Variants in CAND1 observed in about 807,000 individuals in gnomAD.
The protein encoded by CAND1 is cullin-associated NEDD8-dissociated protein 1.
In CAND1, 7 loss-of-function variants were observed where a neutral mutation model predicts 108.5. The observed-to-expected ratio is 0.06, with a 90% CI of 0.04 to 0.12. CAND1 has a LOEUF of 0.12. Ranked by LOEUF, CAND1 falls within the 10% of genes least tolerant of loss-of-function variation. The pLI, the probability that CAND1 is intolerant of heterozygous loss-of-function variation, is 1.00. For synonymous variants in CAND1, 534 were observed against 512.0 expected, an observed-to-expected ratio of 1.04 and a Z score of -0.58; for missense variants, 941 against 1,448.7, an observed-to-expected ratio of 0.65 and a Z score of 5.69.
At chr12:67,287,206 C>T (rs966555331) in intron 2 of CAND1, among the ~76,000 whole-genome samples, 1 of 152,156 alleles carries the variant, frequency 6.6e-6, no homozygotes, top group South Asian at 2.1e-4. Flanking sequence ...TCAGAAATGT[C>T]TCTTGGAGAG....
At chr12:67,296,823 T>C (rs955928253) in intron 4 of CAND1, among the ~76,000 whole-genome samples, 2 of 150,364 alleles carry the variant, frequency 1.3e-5, no homozygotes, top group African/African-American at 4.9e-5. Context: ...GTTTTGGTTT[T>C]GAGACAGGTT....
At chr12:67,304,008 T>A (rs1382991801) in intron 8 of CAND1, among the ~76,000 whole-genome samples, 3 of 148,706 alleles carry the variant, frequency 2.0e-5, no homozygotes, top group Non-Finnish European at 4.5e-5. Flanking sequence ...TTTTTTTTTT[T>A]GAGATGGAGT....
chr12:67,295,852 A>G (rs1265999361), intron 4 of CAND1, among the ~76,000 whole-genome samples: 1 of 152,216 alleles, frequency 6.6e-6, no homozygotes, highest in Non-Finnish European at 1.5e-5. Flanking sequence ...ACGATAGGAC[A>G]TAAGAACACC....
intron 1 of CAND1, among the ~76,000 whole-genome samples, chr12:67,275,727 G>A (rs866890177): frequency 1.3e-5 from 2 of 152,272 alleles, no homozygotes; most frequent in Middle Eastern, 6.8e-3. Context: ...AGGCTGTGGT[G>A]AGAGTTATTG....
At chr12:67,296,436 T>G (rs571709280) in intron 4 of CAND1, among the ~76,000 whole-genome samples, 1 of 151,000 alleles carries the variant, frequency 6.6e-6, no homozygotes, top group Admixed American at 6.6e-5. Flanking sequence ...TTAGATTTCT[T>G]TTTTTTTTTC....
chr12:67,299,471 T>G (rs894463061), intron 7 of CAND1, among the ~76,000 whole-genome samples: 2 of 152,152 alleles, frequency 1.3e-5, no homozygotes, highest in Non-Finnish European at 2.9e-5. Flanking sequence ...TTTTTGGTTT[T>G]AAGTACTATT....
In CAND1 at chr12:67,316,785, A is replaced by G. The variant is rs1247731988; in HGVS notation, c.*3955A>G. The G allele has an allele frequency of 6.6e-6, 1 of 152,194 alleles. No individual in the cohort carries two copies. Among genetic ancestry groups the G allele is most frequent in the Admixed American group, 6.5e-5 (1 of 15,278 alleles). 9.4% of individuals were successfully genotyped at this position (152,194 alleles called of 1,614,324 possible). A position where few individuals can be genotyped will look rare whatever the true frequency, so the allele number is the denominator to read the frequency against. Reference sequence around the variant, plus strand: ...TAGGAAGTATTGGAATTAATTTGCTATTGCCAGTAAGTAATGGTTGATGGA... The same window carrying G: ...TAGGAAGTATTGGAATTAATTTGCTGTTGCCAGTAAGTAATGGTTGATGGA... On this transcript the variant is annotated 3_prime_UTR_variant, in exon 15 of 15. Coordinates refer to ENST00000545606, the MANE Select transcript of CAND1 (RefSeq NM_018448.5).
intron 3 of CAND1, among the ~76,000 whole-genome samples, chr12:67,293,702 G>T (rs1054772209): frequency 5.3e-5 from 8 of 152,066 alleles, no homozygotes; most frequent in Non-Finnish European, 8.8e-5. Context: ...GTGGTGAGCC[G>T]AGATGGTGCC....
At chr12:67,286,039 G>T (rs930728890) in intron 2 of CAND1, among the ~76,000 whole-genome samples, 2 of 151,740 alleles carry the variant, frequency 1.3e-5, no homozygotes, top group Non-Finnish European at 2.9e-5. Flanking sequence ...ACAGATTCTC[G>T]CTCAGTCGCC....
At chr12:67,296,505 G>A (rs557398761) in intron 4 of CAND1, among the ~76,000 whole-genome samples, 1 of 151,958 alleles carries the variant, frequency 6.6e-6, no homozygotes, top group East Asian at 1.9e-4. Flanking sequence ...TGTGATCTCA[G>A]CTTACTGCAG....
In CAND1 at chr12:67,305,802, G is replaced by A; in HGVS notation, c.2134G>A (p.Ala712Thr). ...SESDMHVSQM[A>T]ISFLTTLAKV... ...AAGTGATATGCATGTTTCACAAATG[G>A]CCATCAGTTTTCTTACCACTTTGGC... The change falls in exon 10 of 15, where the codon GCC (alanine) becomes ACC (threonine). Residue 712 changes from alanine to threonine, a missense_variant. Transcript: ENST00000545606. The surrounding 1 kb of genome is among the most constrained non-coding windows in gnomAD (Gnocchi z 4.4). 6.2e-7 allele frequency: 1 copy of A among 1,614,074 alleles called. No homozygotes were observed. Among genetic ancestry groups the A allele is most frequent in the Non-Finnish European group, 8.5e-7 (1 of 1,179,974 alleles).
intron 3 of CAND1, chr12:67,292,993 G>A (rs2044736241): frequency 4.3e-6 from 2 of 466,634 alleles, no homozygotes; most frequent in South Asian, 2.4e-5. Context: ...TATGTAATAT[G>A]AATTTCAGTG....
rs1390655996 is a variant in CAND1 at position 67,306,326 on chromosome 12, C to T, written c.2658C>T (p.Gly886=). 2.1e-5 allele frequency: 34 copies of T among 1,614,014 alleles called. No individual in the cohort carries two copies. Among genetic ancestry groups the T allele is most frequent in the Non-Finnish European group, 2.8e-5 (33 of 1,179,996 alleles). ...ASYALGSISV[G]NLPEYLPFVL... ...ATGCATTAGGCAGCATTAGTGTGGG[C>T]AACCTTCCTGAATATCTGCCGTTTG... Residue 886 remains glycine, a synonymous_variant, in exon 10 of 15, where the codon GGC becomes GGT. Transcript: ENST00000545606.
In CAND1 at chr12:67,307,450, G is replaced by C; in HGVS notation, c.2983G>C (p.Asp995His). ...TACGGCTGTGAAATTTACAATTTCT[G>C]ACCATCCACAACCTATTGATCCACT... ...VVTAVKFTIS[D>H]HPQPIDPLLK... Residue 995 changes from aspartate (D) to histidine (H), a missense_variant, in exon 11 of 15, where the codon GAC becomes CAC. Physicochemically the swap from Asp to His is moderately conservative, Grantham distance 81 (BLOSUM62 -1). Around this residue, in one of 9 missense-constraint regions of CAND1, gnomAD observed 106 missense variants for 182.0 expected, o/e 0.58. Transcript: ENST00000545606. 1 of 1,610,830 alleles carries C rather than the reference G, an allele frequency of 6.2e-7. No individual in the cohort carries two copies. The highest frequency in any genetic ancestry group is 8.5e-7 in the Non-Finnish European group (1 of 1,178,310).
intron 7 of CAND1, among the ~76,000 whole-genome samples, chr12:67,300,259 C>G (rs1184391820): frequency 3.2e-5 from 4 of 126,106 alleles, no homozygotes; most frequent in Non-Finnish European, 5.0e-5. Context: ...TTAGAGTATC[C>G]CAAGGCTCAG....
At chr12:67,275,787 A>T (rs1023898922) in intron 1 of CAND1, among the ~76,000 whole-genome samples, 3 of 152,106 alleles carry the variant, frequency 2.0e-5, no homozygotes, top group African/African-American at 7.2e-5. Flanking sequence ...TAAGTTCCAG[A>T]CTGTGTTACT....
intron 11 of CAND1, among the ~76,000 whole-genome samples, chr12:67,309,338 A>G (rs940839737): frequency 1.3e-5 from 2 of 151,878 alleles, no homozygotes; most frequent in African/African-American, 4.8e-5. Flanking sequence ...TTCTCCTTTT[A>G]TATTATTTTC....
rs2136026343 is a variant in CAND1 at position 67,314,604 on chromosome 12, C to T, written c.*1774C>T. 2.0e-5 allele frequency: 3 copies of T among 152,320 alleles called. 1 individual carries two copies. The Middle Eastern group carries it at 0.01, about 518-fold the overall frequency. 9.4% of individuals were successfully genotyped at this position (152,320 alleles called of 1,614,324 possible). A position where few individuals can be genotyped will look rare whatever the true frequency, so the allele number is the denominator to read the frequency against. On this transcript the variant is annotated 3_prime_UTR_variant, in exon 15 of 15. Transcript: ENST00000545606. ...GGTTTTACAATAAATTACAATACTG[C>T]AGGCTCTAGGACTGAACAGGAGACT... is the stretch of plus-strand genomic sequence containing the variant.
chr12:67,312,868 A>G lies in CAND1; in HGVS notation c.*38A>G. On this transcript the variant is annotated 3_prime_UTR_variant, in exon 15 of 15. Transcript: ENST00000545606. ...CATGGGGACCATTACATATGACCAT[A>G]CAATGCACTGAATTGACAGGTTAAT... 7.9e-7 allele frequency: 1 copy of G among 1,260,148 alleles called. No individual in the cohort carries two copies. The highest frequency in any genetic ancestry group is 2.4e-5 in the East Asian group (1 of 42,520). The allele number at this position is 1,260,148 out of a possible 1,614,324, so 78.1% of individuals were successfully genotyped here. A position where few individuals can be genotyped will look rare whatever the true frequency, so the allele number is the denominator to read the frequency against.
Sources: gnomAD v4.1 joint callset for allele counts (sites outside exome capture counted in the v4.1 genomes callset) on GRCh38, gnomAD v4.1.1 for gene constraint, gnomAD v4.1.1 regional missense constraint, Gnocchi (gnomAD v3.1) non-coding constraint, MANE v1.5 for transcripts, NCBI Gene and HGNC (gene_info 2026-07-23, HGNC 2026-07-21) for gene names.